The following IFT52 variants were observed in gnomAD, a reference collection of about 807,000 sequenced individuals.
IFT52 encodes intraflagellar transport 52.
Under a neutral mutation model 54.4 loss-of-function variants are expected in IFT52, and 44 were observed. The observed-to-expected ratio is 0.81, with a 90% CI of 0.63 to 1.04. The LOEUF (loss-of-function observed/expected upper bound fraction) is 1.04, where lower values mean the gene tolerates loss of function less well. IFT52 is among the 50% of genes least tolerant of loss of function. IFT52 has a pLI of 0.00. For synonymous variants in IFT52, 181 were observed against 185.3 expected (o/e 0.98, Z 0.19); for missense variants, 452 against 523.6 (o/e 0.86, Z 1.33).
intron 7 of IFT52, chr20:43,618,131 T>C (rs1242000882): frequency 6.6e-6 from 1 of 152,206 alleles, no homozygotes; most frequent in Non-Finnish European, 1.5e-5. Flanking sequence ...AGACTGTCTT[T>C]GAGTTTATCT....
At chr20:43,597,724 T>C (rs181767881) in intron 3 of IFT52, among the ~76,000 whole-genome samples, 10 of 152,090 alleles carry the variant, frequency 6.6e-5, no homozygotes, top group Admixed American at 3.3e-4. Flanking sequence ...TGAAACCTCA[T>C]CTCTACTAAA....
chr20:43,615,196 C>T lies in IFT52; in HGVS notation c.612+1220C>T, dbSNP rs1433092656. Among the ~76,000 whole-genome samples the T allele has an allele frequency of 7.2e-5, 11 of 151,990 alleles. No homozygotes were observed. In the East Asian group the frequency reaches 1.7e-3, roughly 24 times the overall value. On this transcript the variant is annotated intron_variant, in intron 7 of 13. Transcript: ENST00000373030. The stretch of plus-strand genomic sequence containing the variant: ...TAGCTGGGATTACAGGCCTGCACCA[C>T]CACACCCTGCTAATTTTTGTATTTT...
chr20:43,591,337 T>A (rs1311906233), intron 1 of IFT52, among the ~76,000 whole-genome samples: 1 of 152,260 alleles, frequency 6.6e-6, no homozygotes, highest in Non-Finnish European at 1.5e-5. Flanking sequence ...CTGTCGTGGC[T>A]GCGACCCCTC....
At chr20:43,641,022 C>T (rs1985873427) in intron 12 of IFT52, among the ~76,000 whole-genome samples, 1 of 110,304 alleles carries the variant, frequency 9.1e-6, no homozygotes, top group African/African-American at 3.9e-5. Flanking sequence ...TAGAGCCAAA[C>T]CTTGTCTCAA....
chr20:43,637,022 TC>T, intron 11 of IFT52, 122 bp from the exon 12 acceptor site: 1 of 641,242 alleles, frequency 1.6e-6, no homozygotes. Context: ...GATGTGAACT[TC>T]CTTATTCTCC....
chr20:43,635,659 T>G (rs1053875452), intron 10 of IFT52, among the ~76,000 whole-genome samples: 17 of 152,310 alleles, frequency 1.1e-4, no homozygotes, highest in African/African-American at 4.1e-4. Context: ...CTTTATCCAG[T>G]CTATCATTGA....
intron 3 of IFT52, among the ~76,000 whole-genome samples, chr20:43,602,136 ATTTTTAT>A (rs1190840802): frequency 1.1e-4 from 15 of 140,216 alleles, no homozygotes; most frequent in Non-Finnish European, 1.2e-4. Flanking sequence ...CTTTGAGCTG[ATTTTTAT>A]TTTATTTATT....
intron 6 of IFT52, among the ~76,000 whole-genome samples, chr20:43,607,490 C>T (rs1235057259): frequency 4.7e-5 from 7 of 150,534 alleles, no homozygotes; most frequent in Non-Finnish European, 7.4e-5. Flanking sequence ...ACCTCCCAGA[C>T]GGGGTCGTGG....
At chr20:43,600,632 T>G (rs537983906) in intron 3 of IFT52, among the ~76,000 whole-genome samples, 28 of 152,232 alleles carry the variant, frequency 1.8e-4, no homozygotes, top group Admixed American at 1.4e-3. Context: ...TACCTCCGAA[T>G]TCAGTATATG....
At chr20:43,615,885 G>C (rs1244055582) in intron 7 of IFT52, among the ~76,000 whole-genome samples, 1 of 152,078 alleles carries the variant, frequency 6.6e-6, no homozygotes, top group African/African-American at 2.4e-5. Context: ...GCAGTGAGCC[G>C]AGATTGTGCC....
At position 43,642,560 on chromosome 20, in the gene IFT52, A is replaced by G; in HGVS notation, c.1202A>G (p.Gln401Arg). Residue 401 changes from glutamine (Q) to arginine (R), a missense_variant, in exon 13 of 14, where the codon CAG becomes CGG. Coordinates refer to ENST00000373030, the MANE Select transcript of IFT52 (RefSeq NM_016004.5). ...GVTSKLPKDQQDAKHILEHVF... is the reference protein window; with the variant it reads ...GVTSKLPKDQRDAKHILEHVF... ...ACCAGTAAACTACCAAAGGACCAAC[A>G]GGATGCCAAACATATCCTTGAGCAC... 1.9e-6 allele frequency: 3 copies of G among 1,614,190 alleles called. No homozygotes were observed. The highest frequency in any genetic ancestry group is 2.5e-6 in the Non-Finnish European group (3 of 1,180,014).
intron 12 of IFT52, among the ~76,000 whole-genome samples, chr20:43,641,030 CAAAAAAA>C (rs10523117): frequency 2.4e-4 from 22 of 90,354 alleles, no homozygotes; most frequent in Admixed American, 3.8e-4. Flanking sequence ...AACCTTGTCT[CAAAAAAA>C]AAAAAAAAAA....
At chr20:43,599,601 C>G (rs1311766604) in intron 3 of IFT52, among the ~76,000 whole-genome samples, 4 of 152,112 alleles carry the variant, frequency 2.6e-5, no homozygotes, top group Admixed American at 2.6e-4. Context: ...TGGGCTCATG[C>G]TTGTGAGATC....
rs186637472 is a variant in IFT52 at position 43,596,834 on chromosome 20, C to T, written c.207+312C>T. Among the ~76,000 whole-genome samples, 34 of 149,790 alleles carry T rather than the reference C, an allele frequency of 2.3e-4. No individual in the cohort carries two copies. In the East Asian group the frequency reaches 4.2e-3, roughly 19 times the overall value. ...TCGGCTCACTGCAACCTCCACCTCC[C>T]GGGTTCAAGCAATTCTCACTGCCTC... On this transcript the variant is annotated intron_variant, in intron 3 of 13. Transcript: ENST00000373030.
intron 10 of IFT52, among the ~76,000 whole-genome samples, chr20:43,628,807 C>T (rs984823202): frequency 2.6e-5 from 4 of 151,748 alleles, no homozygotes; most frequent in East Asian, 3.9e-4. Context: ...GCCGAGATCG[C>T]GCCACTGCAT....
At chr20:43,624,762 G>GAA (rs1195059777) in intron 10 of IFT52, among the ~76,000 whole-genome samples, 2 of 152,184 alleles carry the variant, frequency 1.3e-5, no homozygotes, top group African/African-American at 4.8e-5. Context: ...GAGGGGTTCA[G>GAA]AAAGGGCCAG....
chr20:43,606,360 G>A (rs1300010867), intron 6 of IFT52, among the ~76,000 whole-genome samples: 43 of 136,220 alleles, frequency 3.2e-4, no homozygotes, highest in Non-Finnish European at 5.5e-4. Context: ...TGCAACCTCC[G>A]CCTCCCAGGT....
At chr20:43,642,820 G>A (rs1254700031) in intron 13 of IFT52, among the ~76,000 whole-genome samples, 196 bp downstream of exon 13, 2 of 152,208 alleles carry the variant, frequency 1.3e-5, no homozygotes, top group African/African-American at 4.8e-5. Flanking sequence ...ACAATAAGCA[G>A]TAAACATAAG....
chr20:43,617,813 G>A (rs984175128), intron 7 of IFT52, among the ~76,000 whole-genome samples: 1 of 151,538 alleles, frequency 6.6e-6, no homozygotes, highest in African/African-American at 2.4e-5. Context: ...CGCGATCTCA[G>A]CTCGCTGCAA....
Sources: gnomAD v4.1 joint callset for allele counts (sites outside exome capture counted in the v4.1 genomes callset) on GRCh38, gnomAD v4.1.1 for gene constraint, MANE v1.5 for transcripts, NCBI Gene and HGNC (gene_info 2026-07-23, HGNC 2026-07-21) for gene names.